SPANXN5: variants seen among roughly 807,000 people sequenced by gnomAD.
SPANXN5 encodes the protein SPANX family member N5, also known as sperm protein associated with the nucleus on the X chromosome N5.
SPANXN5 carries 5 observed loss-of-function variants against 4.5 expected under a neutral mutation model. The ratio of observed to expected loss-of-function variants is 1.11; its 90% CI spans 0.58 to 2.33. The LOEUF is 2.33. Ranked by LOEUF, SPANXN5 falls within the 30% of genes most tolerant of loss-of-function variation. The probability of loss-of-function intolerance (pLI) is 0.01; values close to 1 mark genes in which losing one functional copy is unlikely to be tolerated. For missense variants in SPANXN5, 41 were observed against 50.3 expected (o/e 0.82, Z 0.56); for synonymous variants, 20 against 20.4 (o/e 0.98, Z 0.05).
Position 52,796,323 on chromosome X carries a change from T to C in SPANXN5, c.*165A>G, listed in dbSNP as rs782133567. ...ATGAGTCTAGGTCTTCATCCTCTTGTGAAGATCCTTCAGATAACCCTAGGT... is the reference window on the plus strand; with the variant it reads ...ATGAGTCTAGGTCTTCATCCTCTTGCGAAGATCCTTCAGATAACCCTAGGT... On this transcript the variant is annotated 3_prime_UTR_variant, in exon 2 of 2. Coordinates refer to ENST00000375511, the MANE Select transcript of SPANXN5 (RefSeq NM_001009616.4). The C allele has an allele frequency of 1.8e-3, 1,304 of 741,091 alleles. 2 individuals are homozygous for C. Among genetic ancestry groups the C allele is most frequent in the Non-Finnish European group, 2.3e-3 (1,161 of 497,659 alleles). 61.1% of individuals were successfully genotyped at this position (741,091 alleles called of 1,213,427 possible). A position where few individuals can be genotyped will look rare whatever the true frequency, so the allele number is the denominator to read the frequency against.
chrX:52,797,204 G>A, intron 1 of SPANXN5, 70 bp downstream of exon 1: 2 of 1,118,237 alleles, frequency 1.8e-6, no homozygotes, highest in East Asian at 6.0e-5. Context: ...CTGTGTTGCT[G>A]TTTGAGCTGC....
chrX:52,797,270 T>C lies in SPANXN5; in HGVS notation c.75+4A>G. On this transcript the variant is annotated splice_donor_region_variant and intron_variant, in intron 1 of 1. Coordinates refer to ENST00000375511, the MANE Select transcript of SPANXN5 (RefSeq NM_001009616.4). ...GCCTTCACTTCAAAACCTAACAATC[T>C]TACCTCATCATTTTTGCTGTTGGAG... 1 of 1,209,879 alleles carries C rather than the reference T, an allele frequency of 8.3e-7. No individual in the cohort carries two copies. The highest frequency in any genetic ancestry group is 1.1e-6 in the Non-Finnish European group (1 of 894,160).
intron 1 of SPANXN5, among the ~76,000 whole-genome samples, 162 bp downstream of exon 1, chrX:52,797,112 C>A (rs1556775801): frequency 9.0e-6 from 1 of 111,322 alleles, no homozygotes; most frequent in Non-Finnish European, 1.9e-5. Flanking sequence ...CCCACCCATA[C>A]CTGTAAGTAC....
chrX:52,796,319 C>A lies in SPANXN5; in HGVS notation c.*169G>T. The A allele has an allele frequency of 1.4e-6, 1 of 722,516 alleles. No individual in the cohort carries two copies. The highest frequency in any genetic ancestry group is 2.1e-6 in the Non-Finnish European group (1 of 480,097). The allele number at this position is 722,516 out of a possible 1,213,427, so 59.5% of individuals were successfully genotyped here. On this transcript the variant is annotated 3_prime_UTR_variant, in exon 2 of 2. Coordinates refer to ENST00000375511, the MANE Select transcript of SPANXN5 (RefSeq NM_001009616.4). ...TCAGATGAGTCTAGGTCTTCATCCT[C>A]TTGTGAAGATCCTTCAGATAACCCT...
rs180885319 is a variant in SPANXN5, at chrX:52,796,227, G to A, written c.*261C>T. Reference sequence around the variant, plus strand: ...AATTTGGTTTCTCCATGTTTAATTAGTCTTCCTCACCCTCCTCTGACGATC... The same window carrying A: ...AATTTGGTTTCTCCATGTTTAATTAATCTTCCTCACCCTCCTCTGACGATC... On this transcript the variant is annotated 3_prime_UTR_variant, in exon 2 of 2. Coordinates refer to ENST00000375511, the MANE Select transcript of SPANXN5 (RefSeq NM_001009616.4). The A allele has an allele frequency of 1.5e-4, 57 of 369,147 alleles. No individual in the cohort carries two copies. The highest frequency in any genetic ancestry group is 9.7e-4 in the Middle Eastern group (2 of 2,052). 30.4% of individuals were successfully genotyped at this position (369,147 alleles called of 1,213,427 possible). A position where few individuals can be genotyped will look rare whatever the true frequency, so the allele number is the denominator to read the frequency against.
chrX:52,797,231 T>C, intron 1 of SPANXN5, 43 bp downstream of exon 1: 1 of 1,188,168 alleles, frequency 8.4e-7, no homozygotes, highest in Non-Finnish European at 1.1e-6. Flanking sequence ...TCTGTGTGTC[T>C]TTCTTTCACC....
At chrX:52,796,736 G>C in intron 1 of SPANXN5, 105 bp from the exon 2 acceptor site, 7 of 1,079,068 alleles carry the variant, frequency 6.5e-6, no homozygotes, top group Non-Finnish European at 8.9e-6. Flanking sequence ...GGTTGAGGAA[G>C]GGGTTCGATC....
In SPANXN5 at chrX:52,796,443, G is replaced by T. The variant is rs1426480501; in HGVS notation, c.*45C>A. ...AGTCTAGGTCTTCGTCCTCCTGTGA[G>T]GATCCTTCGTCCTCCTCCTCTTGGA... On this transcript the variant is annotated 3_prime_UTR_variant, in exon 2 of 2. Coordinates refer to ENST00000375511, the MANE Select transcript of SPANXN5 (RefSeq NM_001009616.4). The T allele has an allele frequency of 8.4e-7, 1 of 1,194,891 alleles. No homozygotes were observed. The highest frequency in any genetic ancestry group is 1.8e-5 in the African/African-American group (1 of 56,885).
At chrX:52,797,245 G>A (rs782570521) in intron 1 of SPANXN5, 29 bp downstream of exon 1, 6 of 1,196,836 alleles carry the variant, frequency 5.0e-6, no homozygotes, top group South Asian at 3.5e-5. Flanking sequence ...TTTCACCCTC[G>A]CCTTCACTTC....
chrX:52,796,953 A>G (rs1428386778), intron 1 of SPANXN5, among the ~76,000 whole-genome samples: 1 of 111,968 alleles, frequency 8.9e-6, no homozygotes, highest in Non-Finnish European at 1.9e-5. Flanking sequence ...CAAAGGCCCA[A>G]CTAAAGAAAC....
intron 1 of SPANXN5, 51 bp downstream of exon 1, chrX:52,797,223 T>C (rs1926587371): frequency 8.6e-7 from 1 of 1,168,350 alleles, no homozygotes; most frequent in African/African-American, 1.8e-5. Flanking sequence ...GCCCCCTCTC[T>C]GTGTGTCTTT....
intron 1 of SPANXN5, among the ~76,000 whole-genome samples, 194 bp downstream of exon 1, chrX:52,797,080 A>C (rs782718111): frequency 9.0e-6 from 1 of 111,182 alleles, no homozygotes; most frequent in Non-Finnish European, 1.9e-5. Flanking sequence ...GCTGGGCAGC[A>C]AGCCATGCTG....
intron 1 of SPANXN5, among the ~76,000 whole-genome samples, chrX:52,796,912 A>T (rs1339556024): frequency 9.0e-6 from 1 of 111,588 alleles, no homozygotes. Flanking sequence ...CGTGAGAAAC[A>T]TCCTGCCTAA....
chrX:52,796,943 CA>C (rs1926581597), intron 1 of SPANXN5, among the ~76,000 whole-genome samples: 1 of 111,822 alleles, frequency 8.9e-6, no homozygotes. Context: ...ACAAGGCAGA[CA>C]AAGGCCCAAC....
chrX:52,797,181 G>T (rs146379029), intron 1 of SPANXN5, 93 bp downstream of exon 1: 4 of 972,025 alleles, frequency 4.1e-6, no homozygotes, highest in Non-Finnish European at 5.9e-6. Context: ...TTCCACAAGC[G>T]TCTGCAGTAT....
At chrX:52,796,871 T>G (rs1926580112) in intron 1 of SPANXN5, among the ~76,000 whole-genome samples, 1 of 111,317 alleles carries the variant, frequency 9.0e-6, no homozygotes, top group Non-Finnish European at 1.9e-5. Flanking sequence ...CAGACCTTGG[T>G]CAAAGTGAAA....
At position 52,796,491 on chromosome X, in the gene SPANXN5, G is replaced by C; in HGVS notation, c.216C>G (p.Ser72=). The C allele has an allele frequency of 1.7e-6, 2 of 1,209,846 alleles. No homozygotes were observed. The highest frequency in any genetic ancestry group is 2.2e-6 in the Non-Finnish European group (2 of 894,337). Residue 72 remains serine (S), a synonymous_variant, in exon 2 of 2, where the codon TCC becomes TCG. Transcript: ENST00000375511. ...GGACTGGATTGATGGAGTTCTCTCAGGACTGGTCATTCTCGAGTTGATTTG... is the reference window on the plus strand; with the variant it reads ...GGACTGGATTGATGGAGTTCTCTCACGACTGGTCATTCTCGAGTTGATTTG... The part of the protein sequence containing the change: ...IHSNQLENDQ[S]
Position 52,796,316 on chromosome X carries a change from C to A in SPANXN5, c.*172G>T. 3 of 701,487 alleles carry A rather than the reference C, an allele frequency of 4.3e-6. No homozygotes were observed. Among genetic ancestry groups the A allele is most frequent in the Non-Finnish European group, 6.5e-6 (3 of 462,024 alleles). The allele number at this position is 701,487 out of a possible 1,213,427, so 57.8% of individuals were successfully genotyped here. A position where few individuals can be genotyped will look rare whatever the true frequency, so the allele number is the denominator to read the frequency against. On this transcript the variant is annotated 3_prime_UTR_variant, in exon 2 of 2. Transcript: ENST00000375511. ...CCTTCAGATGAGTCTAGGTCTTCATCCTCTTGTGAAGATCCTTCAGATAAC... is the reference window on the plus strand; with the variant it reads ...CCTTCAGATGAGTCTAGGTCTTCATACTCTTGTGAAGATCCTTCAGATAAC...
intron 1 of SPANXN5, 45 bp from the exon 2 acceptor site, chrX:52,796,676 G>C (rs370016256): frequency 5.0e-6 from 6 of 1,200,237 alleles, no homozygotes; most frequent in Non-Finnish European, 6.8e-6. Context: ...TATTTTGGGT[G>C]AATAGGATAG....
Sources: allele counts gnomAD v4.1 joint callset (sites outside exome capture counted in the v4.1 genomes callset), GRCh38; gene constraint gnomAD v4.1.1; transcripts MANE v1.5; gene names NCBI Gene and HGNC (gene_info 2026-07-23, HGNC 2026-07-21).